The following PCSK4 variants were observed in gnomAD, a reference collection of about 807,000 sequenced individuals.
PCSK4 encodes proprotein convertase subtilisin/kexin type 4, also known as testicular tissue protein Li 135.
Under a neutral mutation model 80.3 loss-of-function variants are expected in PCSK4, and 64 were observed. That is an observed-to-expected ratio of 0.80 (90% CI 0.65 to 0.98). The LOEUF is 0.98. Among genes scored for constraint, PCSK4 ranks in the 50% least tolerant of loss-of-function variants. The pLI, the probability that PCSK4 is intolerant of heterozygous loss-of-function variation, is 0.00. For missense variants in PCSK4, 1,213 were observed against 1,093.6 expected (o/e 1.11, Z -1.54); for synonymous variants, 561 against 487.6 (o/e 1.15, Z -1.98).
At chr19:1,489,063 C>T (rs933326294) in intron 2 of PCSK4, among the ~76,000 whole-genome samples, 5 of 152,168 alleles carry the variant, frequency 3.3e-5, no homozygotes, top group Admixed American at 6.5e-5. Flanking sequence ...CCCGATGGGA[C>T]CCAGGCCCCT....
At chr19:1,482,353 CCTGGCACAGCCCCTCTGTGTCCCG>C (rs2084341270) in exon 14 of PCSK4, 52 of 1,540,770 alleles carry the variant, frequency 3.4e-5, no homozygotes, top group Non-Finnish European at 4.4e-5. Context: ...CGGCACTCAC[CCTGGCACAGCCCCTCTGTGTCCCG>C]CTGCACACAC....
chr19:1,483,853 C>A (rs751721256), exon 10 of PCSK4: 1 of 1,495,134 alleles, frequency 6.7e-7, no homozygotes, highest in Non-Finnish European at 8.8e-7. Flanking sequence ...CGCCCCACGC[C>A]GTTGGTCCTC....
Position 1,483,392 on chromosome 19 carries a change from G to A in PCSK4, c.1463C>T (p.Ser488Leu), listed in dbSNP as rs781293292. Residue 488 changes from serine to leucine, a missense_variant, in exon 12 of 15, where the codon TCG (serine) becomes TTG (leucine). Transcript: ENST00000300954. ...CAGCTGCGCCTGCACGTGCTCCAGCGAGCGGATGGAGTTGTGGAGGCCGGC... is the reference window on the plus strand; with the variant it reads ...CAGCTGCGCCTGCACGTGCTCCAGCAAGCGGATGGAGTTGTGGAGGCCGGC... 3.1e-6 allele frequency: 5 copies of A among 1,605,008 alleles called. No homozygotes were observed. In the South Asian group the frequency reaches 3.3e-5, roughly 11 times the overall value.
intron 13 of PCSK4, 31 bp from the exon 14 acceptor site, chr19:1,482,506 GA>G: frequency 1.9e-6 from 3 of 1,584,674 alleles, no homozygotes; most frequent in East Asian, 2.2e-5. Flanking sequence ...GGCACAGGAG[GA>G]AAAGGAGGCT....
chr19:1,488,224 C>T (rs1202808823), exon 3 of PCSK4: 3 of 1,613,418 alleles, frequency 1.9e-6, no homozygotes, highest in Non-Finnish European at 2.5e-6. Context: ...GGTCCGTGGG[C>T]ACCACGACAG....
chr19:1,486,823 A>T (rs1456433976), intron 8 of PCSK4, 30 bp downstream of exon 8: 2 of 1,554,656 alleles, frequency 1.3e-6, no homozygotes, highest in East Asian at 2.3e-5. Context: ...GGGCCTGGGG[A>T]GGGGACCCTG....
exon 1 of PCSK4, chr19:1,490,331 TCGGGGCGGGCCGCATGGAGG>T: frequency 1.5e-6 from 2 of 1,359,008 alleles, no homozygotes; most frequent in Non-Finnish European, 2.0e-6. Context: ...CACAGCGCAA[TCGGGGCGGGCCGCATGGAGG>T]CGGGGCGGGA....
At chr19:1,483,308 G>A (rs771978431) in exon 12 of PCSK4, 3 of 1,605,626 alleles carry the variant, frequency 1.9e-6, no homozygotes, top group Non-Finnish European at 1.7e-6. Context: ...TGTGGAGCGC[G>A]TGCCCATGGG....
exon 15 of PCSK4, chr19:1,482,187 T>C: frequency 6.5e-7 from 1 of 1,548,582 alleles, no homozygotes; most frequent in Non-Finnish European, 8.7e-7. Flanking sequence ...TGTCCCAGGA[T>C]GTAGGCGGGG....
chr19:1,482,310 G>T, intron 14 of PCSK4, 43 bp downstream of exon 14: 1 of 1,533,264 alleles, frequency 6.5e-7, no homozygotes, highest in Non-Finnish European at 8.7e-7. Context: ...CACGGTGGCC[G>T]CCACCGCCTC....
chr19:1,487,168 G>A lies in PCSK4; in HGVS notation c.828C>T (p.Arg276=), dbSNP rs560830484. The change falls in exon 7 of 15, where the codon CGC becomes CGT. Residue 276 remains arginine (R), a synonymous_variant. Coordinates refer to ENST00000300954, the Ensembl canonical transcript of PCSK4. ...TGGTCACACCACGCCGGAAGGCCTC[G>A]CGGGTGAGGATGCCGGGGCCGTCCA... The A allele has an allele frequency of 1.2e-4, 190 of 1,606,816 alleles. 1 individual carries two copies. In the South Asian group the frequency reaches 1.4e-3, roughly 12 times the overall value.
At chr19:1,486,290 T>C (rs1420426771) in intron 8 of PCSK4, among the ~76,000 whole-genome samples, 2 of 145,634 alleles carry the variant, frequency 1.4e-5, no homozygotes, top group African/African-American at 2.6e-5. Context: ...ATTTGGGTTA[T>C]TGATTGATTG....
exon 15 of PCSK4, chr19:1,481,667 C>T (rs940620316): frequency 2.1e-5 from 19 of 886,292 alleles, no homozygotes; most frequent in African/African-American, 8.5e-5. Flanking sequence ...TGCTGGTGCT[C>T]GCTCCTCTGG....
At position 1,490,182 on chromosome 19, in the gene PCSK4, T is replaced by A. The variant is rs766464618; in HGVS notation, c.165A>T (p.Lys55Asn). Reference sequence around the variant, plus strand: ...CCGGCCCCAGGTTGACGAAGCCGAATTTGCGTGCCAGGCGCTCGACCTCCC... The same window carrying A: ...CCGGCCCCAGGTTGACGAAGCCGAAATTGCGTGCCAGGCGCTCGACCTCCC... The change falls in exon 1 of 15, where the codon AAA becomes AAT. Residue 55 changes from lysine to asparagine, a missense_variant. Lys to Asn is a moderately conservative substitution (Grantham distance 94, BLOSUM62 0). Coordinates refer to ENST00000300954, the Ensembl canonical transcript of PCSK4. 9.3e-6 allele frequency: 15 copies of A among 1,613,600 alleles called. No homozygotes were observed. The Admixed American group carries it at 2.5e-4, about 27-fold the overall frequency.
intron 1 of PCSK4, 112 bp downstream of exon 1, chr19:1,490,046 C>A: frequency 1.3e-6 from 2 of 1,522,332 alleles, no homozygotes; most frequent in South Asian, 2.5e-5. Flanking sequence ...CAGGGGTGGG[C>A]TGGGACTCTT....
chr19:1,490,248 G>C, exon 1 of PCSK4: 1 of 1,611,928 alleles, frequency 6.2e-7, no homozygotes, highest in Non-Finnish European at 8.5e-7. Flanking sequence ...TGCTGACATA[G>C]ATGGGGGCTC....
chr19:1,486,917 C>T (rs762255891), exon 8 of PCSK4: 84 of 1,603,730 alleles, frequency 5.2e-5, no homozygotes, highest in South Asian at 2.3e-4. Flanking sequence ...GCAGGCTTCG[C>T]TGTACCAGGG....
At chr19:1,489,551 C>A in intron 2 of PCSK4, 1 of 602,252 alleles carries the variant, frequency 1.7e-6, no homozygotes. Context: ...CCCCTGGGGC[C>A]CAGAGGAGGG....
At position 1,483,399 on chromosome 19, in the gene PCSK4, TG is replaced by T; in HGVS notation, c.1455del (p.Ile486SerfsTer11). On this transcript the variant is annotated frameshift_variant, in exon 12 of 15. Transcript: ENST00000300954. LOFTEE classifies it high-confidence loss of function. ...GCCTGCACGTGCTCCAGCGAGCGGATGGAGTTGTGGAGGCCGGCGCAGGCCG... is the reference window on the plus strand; with the variant it reads ...GCCTGCACGTGCTCCAGCGAGCGGATGAGTTGTGGAGGCCGGCGCAGGCCG... 1 of 1,603,140 alleles carries T rather than the reference TG, an allele frequency of 6.2e-7. No homozygotes were observed. Among genetic ancestry groups the T allele is most frequent in the South Asian group, 1.1e-5 (1 of 91,014 alleles).
Sources: gnomAD v4.1 joint callset for allele counts (sites outside exome capture counted in the v4.1 genomes callset) on GRCh38, gnomAD v4.1.1 for gene constraint, MANE v1.5 for transcripts, NCBI Gene and HGNC (gene_info 2026-07-23, HGNC 2026-07-21) for gene names.